The following TNRC6C variants were observed in gnomAD, a reference collection of about 807,000 sequenced individuals.
TNRC6C encodes the protein trinucleotide repeat-containing gene 6C protein.
Under a neutral mutation model 153.7 loss-of-function variants are expected in TNRC6C, and 20 were observed. The observed-to-expected ratio is 0.13, with a 90% CI of 0.09 to 0.19. TNRC6C has a LOEUF of 0.19. Among genes scored for constraint, TNRC6C ranks in the 10% least tolerant of loss-of-function variants. The pLI is 1.00. For synonymous variants in TNRC6C, 811 were observed against 841.4 expected (o/e 0.96, Z 0.63); for missense variants, 1,987 against 2,172.0 (o/e 0.91, Z 1.69).
chr17:78,044,173 C>G (rs1318293496), intron 2 of TNRC6C, among the ~76,000 whole-genome samples: 1 of 152,172 alleles, frequency 6.6e-6, no homozygotes, highest in African/African-American at 2.4e-5. Flanking sequence ...AGATTTTGAG[C>G]TATCAGTTCC....
At chr17:78,051,011 A>G in exon 3 of TNRC6C, 1 of 1,613,946 alleles carries the variant, frequency 6.2e-7, no homozygotes. Context: ...ACAAAGGCCA[A>G]TCCAGGTACA....
intron 1 of TNRC6C, among the ~76,000 whole-genome samples, chr17:78,029,228 G>A (rs142782295): frequency 2.6e-5 from 4 of 152,140 alleles, no homozygotes; most frequent in African/African-American, 9.7e-5. Flanking sequence ...TCAGTAGTAC[G>A]ATCATACCTT....
chr17:78,033,947 G>A (rs16970755), intron 2 of TNRC6C, among the ~76,000 whole-genome samples: 45,397 of 152,010 alleles, frequency 0.3, 6,965 homozygotes, highest in East Asian at 0.4. Flanking sequence ...AACCTGCCGT[G>A]GTCACCTAGT....
intron 1 of TNRC6C, among the ~76,000 whole-genome samples, chr17:77,985,667 G>C (rs911617436): frequency 6.6e-6 from 1 of 151,470 alleles, no homozygotes; most frequent in African/African-American, 2.4e-5. Context: ...GACGTCCTCT[G>C]TCTCTGACCT....
intron 14 of TNRC6C, among the ~76,000 whole-genome samples, chr17:78,092,709 G>A (rs2073414853): frequency 1.3e-5 from 2 of 151,988 alleles, no homozygotes; most frequent in African/African-American, 4.8e-5. Flanking sequence ...ACTCCAGCCT[G>A]GGCCACAGAG....
intron 1 of TNRC6C, among the ~76,000 whole-genome samples, chr17:78,016,533 G>T (rs28715189): frequency 3.9e-5 from 6 of 152,180 alleles, no homozygotes; most frequent in African/African-American, 1.4e-4. Context: ...TTCATCTAGC[G>T]CCTAACACTT....
chr17:78,007,283 T>C (rs947811355), intron 1 of TNRC6C, among the ~76,000 whole-genome samples: 1 of 152,218 alleles, frequency 6.6e-6, no homozygotes, highest in African/African-American at 2.4e-5. Context: ...GTAGTAATAA[T>C]TAATGTCTTT....
At chr17:78,006,339 C>T (rs1255013542) in intron 1 of TNRC6C, among the ~76,000 whole-genome samples, 1 of 152,196 alleles carries the variant, frequency 6.6e-6, no homozygotes, top group Non-Finnish European at 1.5e-5. Context: ...TGTGAATTTA[C>T]ATAACACTTT....
intron 1 of TNRC6C, among the ~76,000 whole-genome samples, chr17:78,013,419 G>A (rs956296600): frequency 1.1e-4 from 17 of 152,196 alleles, no homozygotes; most frequent in African/African-American, 3.6e-4. Context: ...GACAGGGAAG[G>A]GTAGTGATGA....
chr17:77,988,005 A>G (rs1191349495), intron 1 of TNRC6C, among the ~76,000 whole-genome samples: 1 of 151,796 alleles, frequency 6.6e-6, no homozygotes, highest in Non-Finnish European at 1.5e-5. Context: ...TTAAGAGTGT[A>G]AATTAAGATG....
At chr17:78,077,070 T>A in intron 8 of TNRC6C, 115 bp from the exon 11 acceptor site, 1 of 1,222,828 alleles carries the variant, frequency 8.2e-7, no homozygotes. Flanking sequence ...TCCACACTTT[T>A]TTGATCTGTT....
At chr17:78,089,521 T>C (rs1450611142) in intron 13 of TNRC6C, among the ~76,000 whole-genome samples, 1 of 152,204 alleles carries the variant, frequency 6.6e-6, no homozygotes, top group African/African-American at 2.4e-5. Context: ...CATCAATTCA[T>C]GTAAAGAAAC....
intron 11 of TNRC6C, among the ~76,000 whole-genome samples, chr17:78,084,176 C>T (rs188796834): frequency 6.6e-4 from 100 of 151,764 alleles, no homozygotes; most frequent in African/African-American, 2.3e-3. Context: ...CCCAGCTATT[C>T]GGGAGGCTGA....
upstream of TNRC6C, among the ~76,000 whole-genome samples, chr17:78,000,432 G>A (rs1203206940): frequency 6.6e-6 from 1 of 152,040 alleles, no homozygotes; most frequent in African/African-American, 2.4e-5. Context: ...AATAAATTAA[G>A]ACCATAACTA....
At chr17:78,033,532 G>C (rs1461373674) in intron 2 of TNRC6C, among the ~76,000 whole-genome samples, 2 of 152,158 alleles carry the variant, frequency 1.3e-5, no homozygotes, top group Non-Finnish European at 2.9e-5. Context: ...AGCTGGGCAT[G>C]TTGGCACATG....
intron 1 of TNRC6C, among the ~76,000 whole-genome samples, chr17:77,981,910 G>A (rs2071083886): frequency 6.6e-6 from 1 of 152,204 alleles, no homozygotes; most frequent in South Asian, 2.1e-4. Flanking sequence ...CCTAGGTATT[G>A]TGGACTGAGT....
At chr17:77,977,470 A>G (rs2071017201) in intron 1 of TNRC6C, among the ~76,000 whole-genome samples, 3 of 152,228 alleles carry the variant, frequency 2.0e-5, no homozygotes, top group Non-Finnish European at 2.9e-5. Context: ...GAAGTGGTAG[A>G]TATTTTTTAT....
At position 78,104,655 on chromosome 17, in the gene TNRC6C, G is replaced by T; in HGVS notation, c.4883G>T (p.Ser1628Ile). ...GGCAGCTCCCATGGCCTGGTACGCAGCGACGCTGGCCACTGGAACGCCCCG... is the reference window on the plus strand; with the variant it reads ...GGCAGCTCCCATGGCCTGGTACGCATCGACGCTGGCCACTGGAACGCCCCG... The change falls in exon 20 of 20, where the codon AGC becomes ATC. Residue 1628 changes from serine (S) to isoleucine (I), a missense_variant. Coordinates refer to ENST00000301624, the Ensembl canonical transcript of TNRC6C. The surrounding 1 kb of genome is among the most constrained non-coding windows in gnomAD (Gnocchi z 6.2). 1 of 1,544,882 alleles carries T rather than the reference G, an allele frequency of 6.5e-7. No homozygotes were observed.
chr17:78,024,971 T>C (rs2071910486), intron 1 of TNRC6C, among the ~76,000 whole-genome samples: 1 of 151,292 alleles, frequency 6.6e-6, no homozygotes, highest in African/African-American at 2.5e-5. Context: ...TTTTTGTATT[T>C]TTAATAGAGA....
Sources: gnomAD v4.1 joint callset for allele counts (sites outside exome capture counted in the v4.1 genomes callset) on GRCh38, gnomAD v4.1.1 for gene constraint, Gnocchi (gnomAD v3.1) non-coding constraint, MANE v1.5 for transcripts, NCBI Gene and HGNC (gene_info 2026-07-23, HGNC 2026-07-21) for gene names.